PPP1R42: variants seen among roughly 807,000 people sequenced by gnomAD.
The protein encoded by PPP1R42 is protein phosphatase 1 regulatory subunit 42, also known as leucine rich repeat containing 67.
A neutral mutation model predicts 31.0 loss-of-function variants in PPP1R42; 34 were observed. The ratio of observed to expected loss-of-function variants is 1.10; its 90% CI spans 0.83 to 1.46. The LOEUF (loss-of-function observed/expected upper bound fraction) is 1.46. PPP1R42 is among the 40% of genes most tolerant of loss of function. The pLI is 0.00. For missense variants in PPP1R42, 268 were observed against 303.0 expected, an observed-to-expected ratio of 0.88 and a Z score of 0.86; for synonymous variants, 103 against 109.8, an observed-to-expected ratio of 0.94 and a Z score of 0.39.
At position 66,983,826 on chromosome 8, in the gene PPP1R42, T is replaced by C. The variant is rs184416939; in HGVS notation, c.671-1646A>G. Among the ~76,000 whole-genome samples, 27 of 152,290 alleles carry C rather than the reference T, an allele frequency of 1.8e-4. No homozygotes were observed. In the East Asian group the frequency reaches 3.7e-3, roughly 21 times the overall value. ...TATCTTATTTCATGTACTTTTTTTT[T>C]CACTGAACTAGCTAGTACTCTCCAA... On this transcript the variant is annotated intron_variant, in intron 6 of 7. Transcript: ENST00000685739.
intron 7 of PPP1R42, 84 bp downstream of exon 7, chr8:66,981,965 A>T: frequency 2.4e-6 from 3 of 1,237,892 alleles, no homozygotes; most frequent in Admixed American, 8.1e-5. Flanking sequence ...AACAAAAACT[A>T]TTTTATTTGT....
chr8:67,001,142 G>A (rs1291065365), intron 5 of PPP1R42, among the ~76,000 whole-genome samples: 1 of 148,126 alleles, frequency 6.8e-6, no homozygotes, highest in Admixed American at 6.7e-5. Flanking sequence ...ATTTGTGTTT[G>A]CAGTATATTT....
intron 7 of PPP1R42, among the ~76,000 whole-genome samples, chr8:66,967,046 G>A (rs952933767): frequency 1.3e-5 from 2 of 152,066 alleles, no homozygotes; most frequent in African/African-American, 2.4e-5. Flanking sequence ...GCACAATCGC[G>A]GCTCACTGCA....
intron 7 of PPP1R42, chr8:66,968,362 G>A: frequency 2.1e-6 from 1 of 471,456 alleles, no homozygotes; most frequent in East Asian, 1.5e-4. Context: ...TACAGGCACA[G>A]CCCCCAGTGT....
At chr8:67,006,739 CTTTTTTTTTTT>C (rs1183630078) in intron 5 of PPP1R42, among the ~76,000 whole-genome samples, 4 of 70,534 alleles carry the variant, frequency 5.7e-5, no homozygotes, top group Admixed American at 2.0e-4. Context: ...AGGGTAGAGG[CTTTTTTTTTTT>C]TTTTTTTTTT....
rs575374430 is a variant in PPP1R42 at position 67,007,039 on chromosome 8, G to A, written c.552+3676C>T. 8.6e-5 allele frequency among the ~76,000 whole-genome samples: 13 copies of A among 151,404 alleles called. No homozygotes were observed. The East Asian group carries it at 1.8e-3, about 20-fold the overall frequency. On this transcript the variant is annotated intron_variant, in intron 5 of 7. Transcript: ENST00000685739. Reference sequence around the variant, plus strand: ...ATCACAGGCGTAAGCCACTGCGCCCGGCCTCTTTTTTTTTTTTTAGTAGAG... The same window carrying A: ...ATCACAGGCGTAAGCCACTGCGCCCAGCCTCTTTTTTTTTTTTTAGTAGAG...
At position 67,017,700 on chromosome 8, in the gene PPP1R42, T is replaced by C. The variant is rs753343693; in HGVS notation, c.48A>G (p.Lys16=). 4 of 1,600,780 alleles carry C rather than the reference T, an allele frequency of 2.5e-6. No homozygotes were observed. The Admixed American group carries it at 6.8e-5, about 27-fold the overall frequency. The change falls in exon 2 of 8, where the codon AAA becomes AAG. Residue 16 remains lysine (K), a synonymous_variant. Coordinates refer to ENST00000685739, the MANE Select transcript of PPP1R42 (RefSeq NM_001364910.1). ...GTGAAATGGTTTCTTCTTTTCGGGG[T>C]TTAAGATTGCTGTTTCTGGCAATTA... ...LDLIARNSNL[K]PRKEETISQC... is the part of the protein sequence containing the mutation.
chr8:67,002,785 G>C (rs1418404379), intron 5 of PPP1R42, among the ~76,000 whole-genome samples: 1 of 123,886 alleles, frequency 8.1e-6, no homozygotes, highest in East Asian at 2.5e-4. Flanking sequence ...CTAATACTAT[G>C]TCTTTAAATT....
At chr8:66,964,929 G>T (rs1400675017) in intron 7 of PPP1R42, among the ~76,000 whole-genome samples, 1 of 152,096 alleles carries the variant, frequency 6.6e-6, no homozygotes, top group Non-Finnish European at 1.5e-5. Flanking sequence ...CTGACCCTTT[G>T]CAGTCAACCC....
chr8:66,986,748 A>G (rs1207789409), intron 6 of PPP1R42, among the ~76,000 whole-genome samples: 3 of 152,252 alleles, frequency 2.0e-5, no homozygotes, highest in African/African-American at 4.8e-5. Context: ...GTAAACTGCT[A>G]GAACGAAGAG....
chr8:67,019,386 G>A (rs1316942379), intron 1 of PPP1R42, among the ~76,000 whole-genome samples: 2 of 148,458 alleles, frequency 1.3e-5, no homozygotes, highest in Non-Finnish European at 3.0e-5. Context: ...GATTACAGGC[G>A]CCCACCACCA....
At chr8:67,008,385 A>G (rs996906825) in intron 5 of PPP1R42, among the ~76,000 whole-genome samples, 1 of 152,158 alleles carries the variant, frequency 6.6e-6, no homozygotes, top group Non-Finnish European at 1.5e-5. Flanking sequence ...GAAAAGCTAC[A>G]CAGGGGAGAT....
At position 66,984,841 on chromosome 8, in the gene PPP1R42, T is replaced by C. The variant is rs779405871; in HGVS notation, c.671-2661A>G. 4.4e-4 allele frequency: 696 copies of C among 1,594,158 alleles called. 4 individuals carry two copies. The highest frequency in any genetic ancestry group is 1.4e-4 in the Non-Finnish European group (168 of 1,163,060). On this transcript the variant is annotated intron_variant, in intron 6 of 7. Transcript: ENST00000685739. ...AGGCATCAGGCCCAGCCTGACTTTT[T>C]CTAGTAGTTCCTTCTGTGCTTCCCT...
chr8:67,004,389 C>T (rs917771807), intron 5 of PPP1R42, among the ~76,000 whole-genome samples: 2 of 152,172 alleles, frequency 1.3e-5, no homozygotes, highest in African/African-American at 4.8e-5. Context: ...CAAAAATGGA[C>T]TAAGATACCT....
chr8:66,970,881 A>G (rs7002517), intron 7 of PPP1R42: 1 of 891,064 alleles, frequency 1.1e-6, no homozygotes, highest in African/African-American at 1.7e-5. Flanking sequence ...ACAAAGAACT[A>G]GGAGACAGAT....
Position 66,964,227 on chromosome 8 carries a change from T to G in PPP1R42, c.*94A>C. The stretch of plus-strand genomic sequence containing the variant: ...TCCTGTCACTTGAGGCTGAATTTAC[T>G]CATTTTCCACAAACAAATTTTCTTT... On this transcript the variant is annotated 3_prime_UTR_variant, in exon 8 of 8. Transcript: ENST00000685739. 1 of 880,376 alleles carries G rather than the reference T, an allele frequency of 1.1e-6. No individual in the cohort carries two copies. Among genetic ancestry groups the G allele is most frequent in the South Asian group, 1.4e-5 (1 of 72,504 alleles). The allele number at this position is 880,376 out of a possible 1,614,324, so 54.5% of individuals were successfully genotyped here.
At chr8:66,990,616 G>C (rs1815161949) in intron 5 of PPP1R42, among the ~76,000 whole-genome samples, 1 of 152,176 alleles carries the variant, frequency 6.6e-6, no homozygotes, top group African/African-American at 2.4e-5. Context: ...TTCCCCTGCA[G>C]GGCTGATGCC....
chr8:66,995,053 CA>C (rs1815294846), intron 5 of PPP1R42, among the ~76,000 whole-genome samples: 1 of 152,166 alleles, frequency 6.6e-6, no homozygotes, highest in Non-Finnish European at 1.5e-5. Flanking sequence ...GCTGACGATT[CA>C]GGATGGATGT....
In PPP1R42 at chr8:66,974,555, G is replaced by A. The variant is rs900547525; in HGVS notation, c.802+7494C>T. ...GGCAACAAGAGTAAAACTCTGTCTC[G>A]GAAAAAAAAATAAAAGCCATCCTGA... is the stretch of plus-strand genomic sequence containing the variant. On this transcript the variant is annotated intron_variant, in intron 7 of 7. Coordinates refer to ENST00000685739, the MANE Select transcript of PPP1R42 (RefSeq NM_001364910.1). 5.3e-5 allele frequency among the ~76,000 whole-genome samples: 8 copies of A among 151,758 alleles called. No individual in the cohort carries two copies. In the East Asian group the frequency reaches 7.7e-4, roughly 15 times the overall value.
Sources: allele counts gnomAD v4.1 joint callset (sites outside exome capture counted in the v4.1 genomes callset), GRCh38; gene constraint gnomAD v4.1.1; transcripts MANE v1.5; gene names NCBI Gene and HGNC (gene_info 2026-07-23, HGNC 2026-07-21).